Variants in POLD1 observed in about 807,000 individuals in gnomAD.
POLD1 encodes DNA polymerase delta catalytic subunit.
In POLD1, 79 loss-of-function variants were observed where a neutral mutation model predicts 129.7. The ratio of observed to expected loss-of-function variants is 0.61; its 90% CI spans 0.51 to 0.73. POLD1 has a LOEUF of 0.73. Among genes scored for constraint, POLD1 ranks in the 30% least tolerant of loss-of-function variants. POLD1 has a pLI of 0.00. For synonymous variants in POLD1, 714 were observed against 683.3 expected, an observed-to-expected ratio of 1.04 and a Z score of -0.70; for missense variants, 1,338 against 1,595.8, an observed-to-expected ratio of 0.84 and a Z score of 2.75.
intron 2 of POLD1, 105 bp downstream of exon 2, chr19:50,399,158 A>T: frequency 6.6e-7 from 1 of 1,507,730 alleles, no homozygotes; most frequent in Non-Finnish European, 9.0e-7. Flanking sequence ...CACTCTGGCC[A>T]ATTTTGAATC....
Position 50,406,849 on chromosome 19 carries a change from C to G in POLD1, c.1495-134C>G. On this transcript the variant is annotated intron_variant, in intron 12 of 26. Transcript: ENST00000440232. This position sits in a 1 kb window ranked among gnomAD's most constrained non-coding sequence, Gnocchi z 5.5. ...TCCATCCCCACCCAGACCCTGACGACTTGGAGGGCCCTCCTGCCCGCCTCA... is the reference window on the plus strand; with the variant it reads ...TCCATCCCCACCCAGACCCTGACGAGTTGGAGGGCCCTCCTGCCCGCCTCA... 1.4e-6 allele frequency: 1 copy of G among 720,916 alleles called. No individual in the cohort carries two copies. The highest frequency in any genetic ancestry group is 2.3e-6 in the Non-Finnish European group (1 of 434,938). The allele number at this position is 720,916 out of a possible 1,614,324, so 44.7% of individuals were successfully genotyped here.
Position 50,398,973 on chromosome 19 carries a change from T to C in POLD1, c.122T>C (p.Met41Thr). The C allele has an allele frequency of 6.4e-6, 10 of 1,573,364 alleles. No homozygotes were observed. The highest frequency in any genetic ancestry group is 8.6e-6 in the Non-Finnish European group (10 of 1,159,406). ...PSQFEEDLAL[M>T]EEMEAEHRLQ... ...CAATTCGAGGAGGACCTGGCACTGA[T>C]GGAGGAGATGGAGGCAGAACACAGG... Residue 41 changes from methionine (M) to threonine (T), a missense_variant, in exon 2 of 27, where the codon ATG becomes ACG. Coordinates refer to ENST00000440232, the MANE Select transcript of POLD1 (RefSeq NM_002691.4).
At chr19:50,417,747 C>T (rs938221154) in intron 26 of POLD1, 95 bp from the exon 27 acceptor site, 6 of 518,030 alleles carry the variant, frequency 1.2e-5, no homozygotes, top group Middle Eastern at 6.2e-4. Context: ...GGGCAGCAGG[C>T]GGGGACCAAA....
At position 50,416,773 on chromosome 19, in the gene POLD1, C is replaced by T. The variant is rs770229711; in HGVS notation, c.3067+50C>T. The T allele has an allele frequency of 1.9e-4, 267 of 1,370,606 alleles. No homozygotes were observed. The highest frequency in any genetic ancestry group is 2.2e-4 in the Non-Finnish European group (225 of 1,002,048). The allele number at this position is 1,370,606 out of a possible 1,614,324, so 84.9% of individuals were successfully genotyped here. On this transcript the variant is annotated intron_variant, in intron 24 of 26. Transcript: ENST00000440232. The stretch of plus-strand genomic sequence containing the variant: ...CCCACTGGCCCTCAACCTGCTCTGC[C>T]GTCACCCCAGATCCTAGACACCCAC...
At chr19:50,396,834 G>A (rs557789959) in intron 1 of POLD1, among the ~76,000 whole-genome samples, 92 of 151,960 alleles carry the variant, frequency 6.1e-4, no homozygotes, top group Middle Eastern at 3.4e-3. Flanking sequence ...GGTGGCTTAC[G>A]CCTGTAATCC....
intron 1 of POLD1, among the ~76,000 whole-genome samples, chr19:50,396,512 C>G (rs890514129): frequency 3.3e-5 from 5 of 150,552 alleles, no homozygotes; most frequent in African/African-American, 1.2e-4. Flanking sequence ...GAGTCTCGCT[C>G]TGTTGCCCAG....
At chr19:50,385,526 CTT>C (rs760846797) in intron 1 of POLD1, among the ~76,000 whole-genome samples, 16,922 of 128,294 alleles carry the variant, frequency 0.13, 1,010 homozygotes, top group African/African-American at 0.25. Context: ...ACTGTCTTCT[CTT>C]TTTTTTTTTT....
At position 50,406,638 on chromosome 19, in the gene POLD1, C is replaced by G; in HGVS notation, c.1494+121C>G. 1.3e-6 allele frequency: 1 copy of G among 749,888 alleles called. No individual in the cohort carries two copies. The highest frequency in any genetic ancestry group is 2.3e-6 in the Non-Finnish European group (1 of 441,010). The allele number at this position is 749,888 out of a possible 1,614,324, so 46.5% of individuals were successfully genotyped here. On this transcript the variant is annotated intron_variant, in intron 12 of 26. Transcript: ENST00000440232. The surrounding 1 kb of genome is among the most constrained non-coding windows in gnomAD (Gnocchi z 5.5). ...CTCACTCTTTGACCTGCTGTTATGACCTGTGACCTTACCTGACGCCCACTT... is the reference window on the plus strand; with the variant it reads ...CTCACTCTTTGACCTGCTGTTATGAGCTGTGACCTTACCTGACGCCCACTT...
chr19:50,399,134 C>T (rs1352950400), intron 2 of POLD1, 81 bp downstream of exon 2: 1 of 1,546,286 alleles, frequency 6.5e-7, no homozygotes, highest in Non-Finnish European at 8.7e-7. Flanking sequence ...AGCTGCAAAG[C>T]TGACCTGTGA....
At position 50,409,708 on chromosome 19, in the gene POLD1, G is replaced by A; in HGVS notation, c.2154+42G>A. Reference sequence around the variant, plus strand: ...CTGGAAGGCAACTGGGGGCAGGTGGGCCCCCTGTGTAGGAGACCAGGGCTC... The same window carrying A: ...CTGGAAGGCAACTGGGGGCAGGTGGACCCCCTGTGTAGGAGACCAGGGCTC... On this transcript the variant is annotated intron_variant, in intron 17 of 26. Transcript: ENST00000440232. The surrounding 1 kb of genome is among the most constrained non-coding windows in gnomAD (Gnocchi z 5.8). 6.4e-7 allele frequency: 1 copy of A among 1,564,816 alleles called. No homozygotes were observed.
intron 10 of POLD1, among the ~76,000 whole-genome samples, chr19:50,405,640 C>T (rs145129927): frequency 4.2e-4 from 64 of 152,274 alleles, no homozygotes; most frequent in African/African-American, 1.4e-3. Flanking sequence ...TATTCCACAG[C>T]GTGGCGCTGA....
chr19:50,408,869 G>A lies in POLD1; in HGVS notation c.1860G>A (p.Thr620=), dbSNP rs1726790. Residue 620 remains threonine (T), a synonymous_variant, in exon 15 of 27, where the codon ACG becomes ACA. Coordinates refer to ENST00000440232, the MANE Select transcript of POLD1 (RefSeq NM_002691.4). ...TGGCCCACAACCTGTGTTACACCAC[G>A]CTCCTTCGGCCCGGGACTGCACAGA... ...IMMAHNLCYT[T]LLRPGTAQKL... is the part of the protein sequence containing the mutation. The A allele has an allele frequency of 6.1e-3, 9,803 of 1,613,480 alleles. 524 individuals carry two copies. The African/African-American group carries it at 0.11, about 19-fold the overall frequency.
At chr19:50,413,357 C>A in intron 17 of POLD1, 69 bp from the exon 18 acceptor site, 1 of 1,309,614 alleles carries the variant, frequency 7.6e-7, no homozygotes, top group South Asian at 1.2e-5. Flanking sequence ...CGGGACCCCT[C>A]CCCCGCCGGC....
intron 3 of POLD1, among the ~76,000 whole-genome samples, chr19:50,401,359 G>GTGTGTATATA (rs1177431255): frequency 7.7e-5 from 7 of 90,486 alleles, no homozygotes; most frequent in Admixed American, 2.5e-4. Flanking sequence ...GTGTATTTGT[G>GTGTGTATATA]TATATGTGTA....
rs2122235609 is a variant in POLD1, at chr19:50,401,934, C to G, written c.463+10C>G. The G allele has an allele frequency of 6.2e-7, 1 of 1,614,018 alleles. No homozygotes were observed. The highest frequency in any genetic ancestry group is 1.3e-5 in the African/African-American group (1 of 75,044). On this transcript the variant is annotated intron_variant, in intron 4 of 26. Transcript: ENST00000440232. ...ACCCCAGCGCCCCCTGGTGAGTGGC[C>G]CCTACCCAGCCCCTCCCTGAGCCAC... is the stretch of plus-strand genomic sequence containing the variant.
chr19:50,398,833 C>T lies in POLD1; in HGVS notation c.-1-18C>T. The T allele has an allele frequency of 1.2e-6, 2 of 1,606,340 alleles. No individual in the cohort carries two copies. Among genetic ancestry groups the T allele is most frequent in the Non-Finnish European group, 8.5e-7 (1 of 1,178,058 alleles). On this transcript the variant is annotated intron_variant, in intron 1 of 26. Coordinates refer to ENST00000440232, the MANE Select transcript of POLD1 (RefSeq NM_002691.4). ...GTCTCCGGTCAGAACCTCCACCAAG[C>T]TCCAACTTGCCCAGCAGGATGGATG... is the stretch of plus-strand genomic sequence containing the variant.
chr19:50,409,092 C>T lies in POLD1; in HGVS notation c.1893-30C>T, dbSNP rs755060620. 2.9e-5 allele frequency: 43 copies of T among 1,505,218 alleles called. No individual in the cohort carries two copies. Among genetic ancestry groups the T allele is most frequent in the Non-Finnish European group, 3.4e-5 (37 of 1,082,038 alleles). The allele number at this position is 1,505,218 out of a possible 1,614,324, so 93.2% of individuals were successfully genotyped here. On this transcript the variant is annotated intron_variant, in intron 15 of 26. Coordinates refer to ENST00000440232, the MANE Select transcript of POLD1 (RefSeq NM_002691.4). The surrounding 1 kb of genome is among the most constrained non-coding windows in gnomAD (Gnocchi z 5.8). ...AGGTGGGCTGGAGCAGGAGGGTGGC[C>T]GGCAGTCACCCCAACATCTTCCAAC...
At chr19:50,397,419 T>C (rs2038410426) in intron 1 of POLD1, among the ~76,000 whole-genome samples, 1 of 151,224 alleles carries the variant, frequency 6.6e-6, no homozygotes, top group Non-Finnish European at 1.5e-5. Context: ...TTTTTTTTTT[T>C]TCTGAGACGG....
At chr19:50,417,671 T>TCCCCCCCCCC (rs3840923) in intron 26 of POLD1, among the ~76,000 whole-genome samples, 171 bp from the exon 27 acceptor site, 782 of 110,474 alleles carry the variant, frequency 7.1e-3, no homozygotes, top group Non-Finnish European at 9.4e-3. Flanking sequence ...TGTTATCGGC[T>TCCCCCCCCCC]CCCCCCCCCC....
Sources: allele counts gnomAD v4.1 joint callset (sites outside exome capture counted in the v4.1 genomes callset), GRCh38; gene constraint gnomAD v4.1.1; non-coding constraint Gnocchi (gnomAD v3.1); transcripts MANE v1.5; gene names NCBI Gene and HGNC (gene_info 2026-07-23, HGNC 2026-07-21).